MAP2K5: variants seen among roughly 807,000 people sequenced by gnomAD.
MAP2K5 encodes the protein mitogen-activated protein kinase kinase 5.
MAP2K5 carries 49 observed loss-of-function variants against 83.1 expected under a neutral mutation model. That is an observed-to-expected ratio of 0.59 (90% confidence interval 0.47 to 0.75). MAP2K5 has a LOEUF of 0.75. MAP2K5 is among the 30% of genes least tolerant of loss of function. MAP2K5 has a pLI of 0.00. For missense variants in MAP2K5, 457 were observed against 557.5 expected (o/e 0.82, Z 1.82); for synonymous variants, 202 against 191.8 (o/e 1.05, Z -0.44).
At position 67,722,001 on chromosome 15, in the gene MAP2K5, A is replaced by T. The variant is rs576886678; in HGVS notation, c.1045-5915A>T. ...TAAAACAAACTAATTGTCTTTAATT[A>T]AAGTGAATTAGATTTTGATTTTAAT... On this transcript the variant is annotated intron_variant, in intron 16 of 21. Transcript: ENST00000178640. The surrounding 1 kb of genome is among the most constrained non-coding windows in gnomAD (Gnocchi z 4.2). Among the ~76,000 whole-genome samples, 2 of 152,226 alleles carry T rather than the reference A, an allele frequency of 1.3e-5. No homozygotes were observed. Among genetic ancestry groups the T allele is most frequent in the Non-Finnish European group, 2.9e-5 (2 of 68,044 alleles).
intron 13 of MAP2K5, among the ~76,000 whole-genome samples, chr15:67,675,688 G>A (rs1213627522): frequency 6.6e-6 from 1 of 152,092 alleles, no homozygotes; most frequent in African/African-American, 2.4e-5. Context: ...AAAATTAAAA[G>A]CTTAATGTAA....
chr15:67,634,407 A>AAAAAAAAAAC (rs1467605447), intron 9 of MAP2K5, among the ~76,000 whole-genome samples: 1 of 135,280 alleles, frequency 7.4e-6, no homozygotes, highest in Non-Finnish European at 1.6e-5. Context: ...AAAAAAAAAA[A>AAAAAAAAAAC]AAGAATGTAT....
intron 2 of MAP2K5, among the ~76,000 whole-genome samples, chr15:67,557,527 T>C (rs777236064): frequency 6.6e-6 from 1 of 152,234 alleles, no homozygotes; most frequent in Non-Finnish European, 1.5e-5. Context: ...CTCTCCTTAT[T>C]GCACAGAATC....
chr15:67,578,832 A>T (rs1255164852), intron 3 of MAP2K5, among the ~76,000 whole-genome samples: 1 of 152,210 alleles, frequency 6.6e-6, no homozygotes, highest in Non-Finnish European at 1.5e-5. Flanking sequence ...TATAGTAGGA[A>T]AAAAAAGCAT....
chr15:67,591,658 C>G (rs1045883431), intron 6 of MAP2K5, among the ~76,000 whole-genome samples: 3 of 151,662 alleles, frequency 2.0e-5, no homozygotes, highest in Non-Finnish European at 4.4e-5. Flanking sequence ...CATGAGCCAC[C>G]GCGCCGGCCC....
At position 67,790,751 on chromosome 15, in the gene MAP2K5, C is replaced by T. The variant is rs888507476; in HGVS notation, c.1243-15895C>T. 2.0e-5 allele frequency among the ~76,000 whole-genome samples: 3 copies of T among 152,010 alleles called. No individual in the cohort carries two copies. Among genetic ancestry groups the T allele is most frequent in the Non-Finnish European group, 4.4e-5 (3 of 68,008 alleles). ...CAAACAAAAAAAAAAAAACCTGTGT[C>T]CTAATGTCTGCCACACTTAGTGCTG... On this transcript the variant is annotated intron_variant, in intron 21 of 21. Transcript: ENST00000178640. The surrounding 1 kb of genome is among the most constrained non-coding windows in gnomAD (Gnocchi z 4.6).
rs1316725009 is a variant in MAP2K5 at position 67,786,705 on chromosome 15, C to T, written c.1242+13953C>T. Among the ~76,000 whole-genome samples the T allele has an allele frequency of 6.6e-6, 1 of 152,204 alleles. No homozygotes were observed. Among genetic ancestry groups the T allele is most frequent in the East Asian group, 1.9e-4 (1 of 5,186 alleles). On this transcript the variant is annotated intron_variant, in intron 21 of 21. Coordinates refer to ENST00000178640, the MANE Select transcript of MAP2K5 (RefSeq NM_145160.3). This position sits in a 1 kb window ranked among gnomAD's most constrained non-coding sequence, Gnocchi z 4.7. ...CCCTCCCTCTCCCTTCCTCTCCTAG[C>T]TGTCCATCCTGCAACATGTTACTGA... is the stretch of plus-strand genomic sequence containing the variant.
chr15:67,707,461 C>T (rs951863475), intron 16 of MAP2K5, among the ~76,000 whole-genome samples: 2 of 152,238 alleles, frequency 1.3e-5, no homozygotes, highest in African/African-American at 4.8e-5. Flanking sequence ...AATTACTCCT[C>T]TTCTGTTTAT....
chr15:67,752,451 G>A (rs911916267), intron 19 of MAP2K5, among the ~76,000 whole-genome samples: 8 of 151,990 alleles, frequency 5.3e-5, no homozygotes, highest in East Asian at 2.0e-4. Context: ...AGGCCAAAGC[G>A]GGTGGATCAC....
At chr15:67,660,261 G>T (rs1021233684) in intron 12 of MAP2K5, among the ~76,000 whole-genome samples, 2 of 151,266 alleles carry the variant, frequency 1.3e-5, no homozygotes, top group Admixed American at 1.3e-4. Context: ...GCCTGGGTTT[G>T]TATAATGCCT....
chr15:67,690,695 G>C lies in MAP2K5; in HGVS notation c.848-1784G>C, dbSNP rs1160305454. ...ATTACAGGTGTCCGCCACCACGCCC[G>C]GCTAATTTTTGTATTTTTAGTAGAG... On this transcript the variant is annotated intron_variant, in intron 13 of 21. Coordinates refer to ENST00000178640, the MANE Select transcript of MAP2K5 (RefSeq NM_145160.3). This position sits in a 1 kb window ranked among gnomAD's most constrained non-coding sequence, Gnocchi z 4.3. 6.6e-6 allele frequency among the ~76,000 whole-genome samples: 1 copy of C among 151,930 alleles called. No homozygotes were observed. Among genetic ancestry groups the C allele is most frequent in the South Asian group, 2.1e-4 (1 of 4,802 alleles).
At chr15:67,671,107 A>G (rs1399073614) in intron 13 of MAP2K5, among the ~76,000 whole-genome samples, 3 of 152,214 alleles carry the variant, frequency 2.0e-5, no homozygotes, top group African/African-American at 7.2e-5. Context: ...CATGTATACT[A>G]TGAAAGAGTA....
At chr15:67,753,824 A>C (rs1203765803) in intron 19 of MAP2K5, among the ~76,000 whole-genome samples, 1 of 152,240 alleles carries the variant, frequency 6.6e-6, no homozygotes, top group Non-Finnish European at 1.5e-5. Context: ...AAATAGAACA[A>C]TTAAATGACC....
In MAP2K5 at chr15:67,727,965, C is replaced by T. The variant is rs1350153890; in HGVS notation, c.1074+20C>T. 1 of 1,600,122 alleles carries T rather than the reference C, an allele frequency of 6.2e-7. No individual in the cohort carries two copies. Among genetic ancestry groups the T allele is most frequent in the African/African-American group, 1.3e-5 (1 of 74,598 alleles). ...CCTCAGGTAAGATTGTTCATTACTG[C>T]TGTTTGCCACTGTGACATTCATTCC... On this transcript the variant is annotated intron_variant, in intron 17 of 21. Transcript: ENST00000178640.
chr15:67,803,974 G>A (rs1436268114), intron 21 of MAP2K5, among the ~76,000 whole-genome samples: 1 of 152,208 alleles, frequency 6.6e-6, no homozygotes, highest in Non-Finnish European at 1.5e-5. Flanking sequence ...TAAAGTGGAG[G>A]TGATTGTGCC....
rs535370739 is a variant in MAP2K5, at chr15:67,785,478, T to A, written c.1242+12726T>A. Among the ~76,000 whole-genome samples the A allele has an allele frequency of 3.5e-4, 53 of 152,302 alleles. No individual in the cohort carries two copies. Among genetic ancestry groups the A allele is most frequent in the Non-Finnish European group, 5.9e-4 (40 of 68,018 alleles). On this transcript the variant is annotated intron_variant, in intron 21 of 21. Coordinates refer to ENST00000178640, the MANE Select transcript of MAP2K5 (RefSeq NM_145160.3). This position sits in a 1 kb window ranked among gnomAD's most constrained non-coding sequence, Gnocchi z 4.4. ...CACAGCTGTAGGGAATACAGAGGGC[T>A]ATCAGACACTAATCCAGCAAACACA...
intron 8 of MAP2K5, among the ~76,000 whole-genome samples, chr15:67,604,799 G>A (rs1402133788): frequency 3.3e-5 from 5 of 152,012 alleles, no homozygotes; most frequent in East Asian, 3.9e-4. Context: ...GGAGGCTGGG[G>A]CAGGAGAATA....
chr15:67,569,469 G>A (rs970143838), intron 3 of MAP2K5, among the ~76,000 whole-genome samples: 1 of 152,178 alleles, frequency 6.6e-6, no homozygotes, highest in Admixed American at 6.5e-5. Flanking sequence ...CTGTAAGTAA[G>A]GTTTTTGTTT....
At chr15:67,745,237 T>G (rs2089578750) in intron 17 of MAP2K5, among the ~76,000 whole-genome samples, 1 of 152,160 alleles carries the variant, frequency 6.6e-6, no homozygotes, top group Non-Finnish European at 1.5e-5. Context: ...TAAACAGCAT[T>G]TCATATGTTG....
Sources: gnomAD v4.1 joint callset for allele counts (sites outside exome capture counted in the v4.1 genomes callset) on GRCh38, gnomAD v4.1.1 for gene constraint, Gnocchi (gnomAD v3.1) non-coding constraint, MANE v1.5 for transcripts, NCBI Gene and HGNC (gene_info 2026-07-23, HGNC 2026-07-21) for gene names.